The following FHIT variants were observed in gnomAD, a reference collection of about 807,000 sequenced individuals.
The protein encoded by FHIT is fragile histidine triad diadenosine triphosphatase, also known as bis(5'-adenosyl)-triphosphatase.
Under a neutral mutation model 17.9 loss-of-function variants are expected in FHIT, and 19 were observed. The observed-to-expected ratio is 1.06, with a 90% CI of 0.74 to 1.56. The LOEUF (loss-of-function observed/expected upper bound fraction) is 1.56. FHIT is among the 40% of genes most tolerant of loss of function. FHIT has a pLI of 0.00. For missense variants in FHIT, 248 were observed against 189.2 expected (o/e 1.31, Z -1.82); for synonymous variants, 81 against 69.7 (o/e 1.16, Z -0.81).
intron 7 of FHIT, among the ~76,000 whole-genome samples, chr3:59,966,199 T>C (rs1018013475): frequency 1.3e-5 from 2 of 152,110 alleles, no homozygotes; most frequent in African/African-American, 4.8e-5. Flanking sequence ...CAACCTCCCA[T>C]TGGGCAAAAA....
chr3:60,408,436 T>C (rs1306887866), intron 5 of FHIT, among the ~76,000 whole-genome samples: 1 of 152,030 alleles, frequency 6.6e-6, no homozygotes, highest in East Asian at 1.9e-4. Flanking sequence ...ACCCCAGAAG[T>C]CCACTAAAAC....
At position 60,365,173 on chromosome 3, in the gene FHIT, A is replaced by G. The variant is rs570621316; in HGVS notation, c.103+171687T>C. ...ATATTATATATGTATTTAATACTAT[A>G]TTATATATAATACTAAGACCACTAA... On this transcript the variant is annotated intron_variant, in intron 5 of 9. Transcript: ENST00000492590. Among the ~76,000 whole-genome samples the G allele has an allele frequency of 1.0e-3, 155 of 149,480 alleles. 2 individuals carry two copies. The highest frequency in any genetic ancestry group is 3.3e-3 in the African/African-American group (135 of 40,964).
At chr3:60,130,153 A>C (rs1417670501) in intron 5 of FHIT, among the ~76,000 whole-genome samples, 1 of 152,208 alleles carries the variant, frequency 6.6e-6, no homozygotes, top group Non-Finnish European at 1.5e-5. Flanking sequence ...CAATCATTAA[A>C]GGTGCAAAGG....
intron 5 of FHIT, among the ~76,000 whole-genome samples, chr3:60,377,315 A>G (rs1700604546): frequency 6.7e-6 from 1 of 150,182 alleles, no homozygotes; most frequent in Non-Finnish European, 1.5e-5. Flanking sequence ...GCACGCACCA[A>G]CACGCCCAGC....
intron 8 of FHIT, among the ~76,000 whole-genome samples, chr3:59,766,013 C>G (rs1033901513): frequency 6.6e-6 from 1 of 152,022 alleles, no homozygotes; most frequent in East Asian, 1.9e-4. Context: ...CATAGAGATG[C>G]CTAAAACTAT....
chr3:59,817,737 C>T (rs1700652854), intron 8 of FHIT, among the ~76,000 whole-genome samples: 2 of 152,054 alleles, frequency 1.3e-5, no homozygotes, highest in African/African-American at 2.4e-5. Context: ...TCAGTTTCAC[C>T]TGTTTTATTC....
At position 59,924,073 on chromosome 3, in the gene FHIT, A is replaced by C. The variant is rs1299135441; in HGVS notation, c.280-1659T>G. Among the ~76,000 whole-genome samples the C allele has an allele frequency of 4.6e-5, 7 of 152,184 alleles. No homozygotes were observed. The East Asian group carries it at 1.2e-3, about 25-fold the overall frequency. On this transcript the variant is annotated intron_variant, in intron 7 of 9. Transcript: ENST00000492590. ...AACAAACAAGGAAAAAATAAATCAC[A>C]AACTACCCATGAAACCAAATTCTTA...
intron 5 of FHIT, among the ~76,000 whole-genome samples, chr3:60,532,342 G>T (rs962465167): frequency 3.9e-5 from 6 of 152,100 alleles, no homozygotes; most frequent in African/African-American, 1.2e-4. Context: ...GTCTTCAAAT[G>T]GATACCACTA....
intron 3 of FHIT, among the ~76,000 whole-genome samples, chr3:60,964,741 A>T (rs1709632717): frequency 6.6e-6 from 1 of 152,142 alleles, no homozygotes; most frequent in African/African-American, 2.4e-5. Flanking sequence ...TCTTGTCTTT[A>T]AGAATGTTGA....
chr3:61,011,672 G>T (rs1204873943), intron 3 of FHIT, among the ~76,000 whole-genome samples: 1 of 151,962 alleles, frequency 6.6e-6, no homozygotes, highest in Non-Finnish European at 1.5e-5. Flanking sequence ...CTGCAGTAAG[G>T]GTATCATGGG....
intron 5 of FHIT, among the ~76,000 whole-genome samples, chr3:60,183,461 G>C (rs1325716826): frequency 3.3e-5 from 5 of 152,064 alleles, no homozygotes; most frequent in African/African-American, 1.2e-4. Flanking sequence ...GGATTGTTTT[G>C]AAAGTGTTTT....
In FHIT at chr3:61,181,665, T is replaced by C. The variant is rs546667207; in HGVS notation, c.-164+18952A>G. Among the ~76,000 whole-genome samples the C allele has an allele frequency of 3.9e-5, 6 of 152,258 alleles. No individual in the cohort carries two copies. In the East Asian group the frequency reaches 5.8e-4, roughly 15 times the overall value. Reference sequence around the variant, plus strand: ...ACCCAAAGACCAAAAAAATCTACCATGTAGTCCAAGTCGTCTAATGCTAGC... The same window carrying C: ...ACCCAAAGACCAAAAAAATCTACCACGTAGTCCAAGTCGTCTAATGCTAGC... On this transcript the variant is annotated intron_variant, in intron 2 of 9. Coordinates refer to ENST00000492590, the MANE Select transcript of FHIT (RefSeq NM_002012.4).
At chr3:60,664,248 T>C (rs1331275413) in intron 4 of FHIT, among the ~76,000 whole-genome samples, 3 of 152,188 alleles carry the variant, frequency 2.0e-5, no homozygotes, top group Non-Finnish European at 4.4e-5. Flanking sequence ...AATTTTCTTC[T>C]GTAGCTTATT....
rs1217694085 is a variant in FHIT, at chr3:60,163,699, T to C, written c.104-149547A>G. Among the ~76,000 whole-genome samples the C allele has an allele frequency of 2.0e-5, 3 of 152,082 alleles. No homozygotes were observed. In the East Asian group the frequency reaches 5.8e-4, roughly 29 times the overall value. On this transcript the variant is annotated intron_variant, in intron 5 of 9. Coordinates refer to ENST00000492590, the MANE Select transcript of FHIT (RefSeq NM_002012.4). Reference sequence around the variant, plus strand: ...AACACTGTTCACATTTGGGGCCGGGTGATTCTTTGTTGTGGGGTCTGCACC... The same window carrying C: ...AACACTGTTCACATTTGGGGCCGGGCGATTCTTTGTTGTGGGGTCTGCACC...
chr3:61,137,931 CCT>C (rs1405006268), intron 2 of FHIT, among the ~76,000 whole-genome samples: 1 of 152,148 alleles, frequency 6.6e-6, no homozygotes, highest in Non-Finnish European at 1.5e-5. Context: ...TTTCTTTCTC[CCT>C]CTCTCTTGCT....
chr3:60,110,061 A>C (rs143591817), intron 5 of FHIT, among the ~76,000 whole-genome samples: 69 of 152,286 alleles, frequency 4.5e-4, no homozygotes, highest in African/African-American at 1.6e-3. Context: ...AATTAGCCCA[A>C]TGTTATGGCT....
chr3:61,130,831 A>G (rs13079703), intron 2 of FHIT, among the ~76,000 whole-genome samples: 69,048 of 152,052 alleles, frequency 0.45, 17,348 homozygotes, highest in Non-Finnish European at 0.56. Flanking sequence ...CAGTGGTGAC[A>G]GAGGATTCTG....
chr3:60,771,948 G>T (rs1420749831), intron 4 of FHIT, among the ~76,000 whole-genome samples: 1 of 152,132 alleles, frequency 6.6e-6, no homozygotes, highest in African/African-American at 2.4e-5. Context: ...GCTCTCTTCT[G>T]CAGGAAACTC....
intron 8 of FHIT, among the ~76,000 whole-genome samples, chr3:59,832,715 T>C (rs1165395480): frequency 6.6e-6 from 1 of 152,200 alleles, no homozygotes; most frequent in Admixed American, 6.5e-5. Flanking sequence ...GGTTGTTTGT[T>C]ACTGCAGCCG....
Sources: gnomAD v4.1 joint callset for allele counts (sites outside exome capture counted in the v4.1 genomes callset) on GRCh38, gnomAD v4.1.1 for gene constraint, MANE v1.5 for transcripts, NCBI Gene and HGNC (gene_info 2026-07-23, HGNC 2026-07-21) for gene names.